The following INSR variants were observed in gnomAD, a reference collection of about 807,000 sequenced individuals.
INSR encodes the protein IR.
Under a neutral mutation model 142.6 loss-of-function variants are expected in INSR, and 67 were observed. The observed-to-expected ratio is 0.47, with a 90% CI of 0.39 to 0.58. The LOEUF (loss-of-function observed/expected upper bound fraction) is 0.58. Ranked by LOEUF, INSR falls within the 20% of genes least tolerant of loss-of-function variation. INSR has a pLI of 0.00. For missense variants in INSR, 1,248 were observed against 1,833.2 expected (o/e 0.68, Z 5.83); for synonymous variants, 756 against 743.1 (o/e 1.02, Z -0.28).
chr19:7,250,195 G>A (rs1346338917), intron 2 of INSR, among the ~76,000 whole-genome samples: 3 of 144,546 alleles, frequency 2.1e-5, no homozygotes, highest in African/African-American at 7.7e-5. Context: ...GAAAGGAAAG[G>A]AAAGGAGAAA....
intron 8 of INSR, among the ~76,000 whole-genome samples, chr19:7,163,925 TAAAAAAAAA>T (rs748862314): frequency 6.7e-5 from 3 of 44,588 alleles, no homozygotes; most frequent in East Asian, 5.0e-4. Flanking sequence ...CTATCTCTAC[TAAAAAAAAA>T]AAAAAAAAAA....
chr19:7,201,813 C>CGCT (rs1974965601), intron 2 of INSR, among the ~76,000 whole-genome samples: 1 of 150,734 alleles, frequency 6.6e-6, no homozygotes, highest in Non-Finnish European at 1.5e-5. Flanking sequence ...CAGGCGCGGC[C>CGCT]ACCACGCCTA....
At chr19:7,280,310 T>C (rs572801013) in intron 1 of INSR, among the ~76,000 whole-genome samples, 23 of 145,858 alleles carry the variant, frequency 1.6e-4, no homozygotes, top group Non-Finnish European at 2.4e-4. Context: ...TGGGTGCGGT[T>C]GCTCACGCCT....
chr19:7,252,981 GGCGGGCGCCTGTA>G (rs1976775440), intron 2 of INSR, among the ~76,000 whole-genome samples: 1 of 152,068 alleles, frequency 6.6e-6, no homozygotes, highest in Admixed American at 6.6e-5. Flanking sequence ...CGGGCGTGGT[GGCGGGCGCCTGTA>G]GTCCCAGCTA....
At chr19:7,273,794 G>A (rs1967988800) in intron 1 of INSR, among the ~76,000 whole-genome samples, 1 of 151,962 alleles carries the variant, frequency 6.6e-6, no homozygotes. Flanking sequence ...TGGGATTACA[G>A]GCGTGAGCCA....
At position 7,150,612 on chromosome 19, in the gene INSR, A is replaced by G. The variant is rs531585720; in HGVS notation, c.2232-80T>C. On this transcript the variant is annotated intron_variant, in intron 10 of 21. Transcript: ENST00000302850. The surrounding 1 kb of genome is among the most constrained non-coding windows in gnomAD (Gnocchi z 4.2). ...CACTGGGCTCTGACACTTGGAGGCCACATGTGTCCGAGTAAGGGCACCCTG... is the reference window on the plus strand; with the variant it reads ...CACTGGGCTCTGACACTTGGAGGCCGCATGTGTCCGAGTAAGGGCACCCTG... 7.1e-7 allele frequency: 1 copy of G among 1,400,744 alleles called. No homozygotes were observed. Among genetic ancestry groups the G allele is most frequent in the South Asian group, 1.2e-5 (1 of 85,582 alleles). The allele number at this position is 1,400,744 out of a possible 1,614,324, so 86.8% of individuals were successfully genotyped here.
chr19:7,247,037 T>C (rs1976558864), intron 2 of INSR, among the ~76,000 whole-genome samples: 1 of 151,756 alleles, frequency 6.6e-6, no homozygotes, highest in Non-Finnish European at 1.5e-5. Flanking sequence ...TGTTTCAGAG[T>C]GGTTTGCTAC....
At chr19:7,169,406 C>A (rs1350567167) in intron 6 of INSR, among the ~76,000 whole-genome samples, 2 of 140,286 alleles carry the variant, frequency 1.4e-5, no homozygotes, top group Non-Finnish European at 3.0e-5. Context: ...CCTGTCTCTA[C>A]TAAAAATACA....
chr19:7,265,417 T>C (rs1203855103), intron 2 of INSR, among the ~76,000 whole-genome samples: 1 of 152,052 alleles, frequency 6.6e-6, no homozygotes, highest in African/African-American at 2.4e-5. Context: ...AGATCTCAAG[T>C]AGTGAGGATG....
rs143948040 is a variant in INSR at position 7,186,862 on chromosome 19, A to C, written c.653-2225T>G. Among the ~76,000 whole-genome samples the C allele has an allele frequency of 4.5e-3, 673 of 150,782 alleles. 5 individuals carry two copies. The highest frequency in any genetic ancestry group is 0.031 in the Middle Eastern group (9 of 292). On this transcript the variant is annotated intron_variant, in intron 2 of 21. Coordinates refer to ENST00000302850, the MANE Select transcript of INSR (RefSeq NM_000208.4). ...TGGGATTACAGACGCCCACCACCAC[A>C]CCCAGCTAATTTTTGTATTTTTAGT...
chr19:7,207,944 A>AGGGAGGGAAGGAG (rs1212774941), intron 2 of INSR, among the ~76,000 whole-genome samples: 1 of 46,380 alleles, frequency 2.2e-5, no homozygotes, highest in Non-Finnish European at 5.2e-5. Flanking sequence ...AAGGAAGGGA[A>AGGGAGGGAAGGAG]GGAGGGAGGG....
intron 11 of INSR, among the ~76,000 whole-genome samples, chr19:7,149,480 T>C (rs1973268267): frequency 6.6e-6 from 1 of 152,120 alleles, no homozygotes; most frequent in African/African-American, 2.4e-5. Context: ...AAGCTTTTTC[T>C]CTCTCCCAGG....
At chr19:7,235,096 T>A (rs779296052) in intron 2 of INSR, among the ~76,000 whole-genome samples, 20 of 151,952 alleles carry the variant, frequency 1.3e-4, no homozygotes, top group African/African-American at 3.6e-4. Context: ...ATAAAAAAAA[T>A]TTCTGGAAAT....
At chr19:7,124,935 T>G (rs192524830) in intron 17 of INSR, among the ~76,000 whole-genome samples, 6 of 151,674 alleles carry the variant, frequency 4.0e-5, no homozygotes, top group African/African-American at 1.5e-4. Context: ...TGGAAGAGTC[T>G]AAAAAGCAAT....
intron 2 of INSR, among the ~76,000 whole-genome samples, chr19:7,204,760 G>T (rs913070455): frequency 1.3e-5 from 2 of 152,166 alleles, no homozygotes; most frequent in African/African-American, 4.8e-5. Context: ...CCCCTATCAG[G>T]CTGGCTGCTG....
chr19:7,121,186 A>G (rs1972483270), intron 19 of INSR, among the ~76,000 whole-genome samples: 1 of 151,986 alleles, frequency 6.6e-6, no homozygotes, highest in South Asian at 2.1e-4. Context: ...TTGAGTAGAG[A>G]CAGGGTTTCA....
At chr19:7,174,543 G>A (rs1176059778) in intron 4 of INSR, 40 bp downstream of exon 4, 21 of 1,611,396 alleles carry the variant, frequency 1.3e-5, no homozygotes, top group Admixed American at 5.0e-5. Context: ...GGGACATGGA[G>A]CCCAACAGGC....
rs79631971 is a variant in INSR, at chr19:7,119,856, A to G, written c.3660-273T>C. Among the ~76,000 whole-genome samples the G allele has an allele frequency of 2.2e-5, 1 of 44,806 alleles. No homozygotes were observed. Among genetic ancestry groups the G allele is most frequent in the African/African-American group, 5.8e-5 (1 of 17,164 alleles). 29.4% of individuals were successfully genotyped at this position (44,806 alleles called of 152,430 possible). On this transcript the variant is annotated intron_variant, in intron 20 of 21. Coordinates refer to ENST00000302850, the MANE Select transcript of INSR (RefSeq NM_000208.4). This position sits in a 1 kb window ranked among gnomAD's most constrained non-coding sequence, Gnocchi z 5.2. ...CACACACACCCAAACACACACACGC[A>G]CACACATGCAAACACACACAAACAC...
At chr19:7,269,100 G>C (rs183498517) in intron 1 of INSR, among the ~76,000 whole-genome samples, 2 of 144,882 alleles carry the variant, frequency 1.4e-5, no homozygotes, top group Non-Finnish European at 3.0e-5. Context: ...TCAGCACCTA[G>C]AATATAAGGC....
Sources: gnomAD v4.1 joint callset for allele counts (sites outside exome capture counted in the v4.1 genomes callset) on GRCh38, gnomAD v4.1.1 for gene constraint, Gnocchi (gnomAD v3.1) non-coding constraint, MANE v1.5 for transcripts, NCBI Gene and HGNC (gene_info 2026-07-23, HGNC 2026-07-21) for gene names.